Variants in CDH13 observed in about 807,000 individuals in gnomAD.
CDH13 encodes cadherin 13, also known as cadherin-13.
In CDH13, 24 loss-of-function variants were observed where a neutral mutation model predicts 63.8. That is an observed-to-expected ratio of 0.38 (90% CI 0.27 to 0.53). The LOEUF (loss-of-function observed/expected upper bound fraction) is 0.53. Among genes scored for constraint, CDH13 ranks in the 20% least tolerant of loss-of-function variants. The pLI, the probability that CDH13 is intolerant of heterozygous loss-of-function variation, is 0.85. For missense variants in CDH13, 1,049 were observed against 903.1 expected, an observed-to-expected ratio of 1.16 and a Z score of -2.07; for synonymous variants, 503 against 355.3, an observed-to-expected ratio of 1.42 and a Z score of -4.67.
chr16:83,305,062 A>C (rs191315044), intron 5 of CDH13, among the ~76,000 whole-genome samples: 103 of 152,282 alleles, frequency 6.8e-4, no homozygotes, highest in African/African-American at 2.3e-3. Flanking sequence ...GAATGCTCTC[A>C]ATGTAAGCCC....
intron 7 of CDH13, among the ~76,000 whole-genome samples, chr16:83,564,134 G>T (rs1475627126): frequency 6.6e-6 from 1 of 152,124 alleles, no homozygotes; most frequent in African/African-American, 2.4e-5. Flanking sequence ...CATCTGAGAG[G>T]CACTACTAGT....
At chr16:83,760,504 T>C (rs1686127446) in intron 11 of CDH13, among the ~76,000 whole-genome samples, 1 of 152,210 alleles carries the variant, frequency 6.6e-6, no homozygotes, top group Non-Finnish European at 1.5e-5. Flanking sequence ...TGTACAATAA[T>C]AATGAGTGAA....
chr16:83,750,400 T>A (rs1912981049), intron 11 of CDH13, among the ~76,000 whole-genome samples: 2 of 152,224 alleles, frequency 1.3e-5, no homozygotes, highest in African/African-American at 2.4e-5. Context: ...TGCCCAGTGG[T>A]TCTTCAGGCC....
chr16:83,680,781 C>G (rs1473617484), intron 10 of CDH13, among the ~76,000 whole-genome samples: 1 of 152,018 alleles, frequency 6.6e-6, no homozygotes, highest in Non-Finnish European at 1.5e-5. Flanking sequence ...CTCACAGTGA[C>G]TTATGCCAAA....
chr16:83,019,670 A>G (rs190582373), intron 2 of CDH13, among the ~76,000 whole-genome samples: 2 of 151,300 alleles, frequency 1.3e-5, no homozygotes, highest in East Asian at 2.0e-4. Context: ...TAATTTTTGC[A>G]TGTTTTGTAG....
At chr16:82,958,402 A>C (rs1330372657) in intron 2 of CDH13, among the ~76,000 whole-genome samples, 2 of 152,200 alleles carry the variant, frequency 1.3e-5, no homozygotes, top group African/African-American at 4.8e-5. Flanking sequence ...GTGAAGAAAA[A>C]TTTAGAAGGC....
chr16:83,686,447 T>C (rs1432705718), intron 10 of CDH13, among the ~76,000 whole-genome samples: 2 of 152,324 alleles, frequency 1.3e-5, no homozygotes, highest in Non-Finnish European at 2.9e-5. Context: ...ACATAGTCTA[T>C]TGACTCCAAA....
intron 7 of CDH13, among the ~76,000 whole-genome samples, chr16:83,515,996 C>T (rs1321375430): frequency 6.6e-6 from 1 of 151,982 alleles, no homozygotes; most frequent in Non-Finnish European, 1.5e-5. Flanking sequence ...GAATTATTTC[C>T]ATTTCTGCTC....
chr16:82,735,532 G>T (rs2033629210), intron 1 of CDH13, among the ~76,000 whole-genome samples: 1 of 152,196 alleles, frequency 6.6e-6, no homozygotes, highest in African/African-American at 2.4e-5. Context: ...TCAAGAAATT[G>T]TATTCCATAA....
intron 2 of CDH13, among the ~76,000 whole-genome samples, chr16:82,929,302 G>C (rs998748667): frequency 6.6e-6 from 1 of 151,972 alleles, no homozygotes; most frequent in Non-Finnish European, 1.5e-5. Flanking sequence ...TATGAGATTA[G>C]TGTCTTTATA....
At chr16:83,317,285 G>A (rs1420821146) in intron 5 of CDH13, among the ~76,000 whole-genome samples, 1 of 152,216 alleles carries the variant, frequency 6.6e-6, no homozygotes, top group East Asian at 1.9e-4. Context: ...CATCTTACCA[G>A]CAAGTTCTGT....
At chr16:82,669,165 A>G (rs1212884508) in intron 1 of CDH13, among the ~76,000 whole-genome samples, 2 of 152,188 alleles carry the variant, frequency 1.3e-5, no homozygotes, top group Non-Finnish European at 2.9e-5. Context: ...GAAACCCACT[A>G]CAGACCATCG....
chr16:83,475,177 C>T (rs2073569412), intron 6 of CDH13, among the ~76,000 whole-genome samples: 1 of 152,262 alleles, frequency 6.6e-6, no homozygotes, highest in African/African-American at 2.4e-5. Context: ...AGCACAGGGA[C>T]TGTCTGAGCA....
intron 1 of CDH13, among the ~76,000 whole-genome samples, chr16:82,857,349 T>A (rs1261545359): frequency 1.3e-5 from 2 of 152,234 alleles, no homozygotes; most frequent in Non-Finnish European, 2.9e-5. Context: ...AGCTTTCATT[T>A]GTTAAGTGTT....
At chr16:83,793,679 G>A (rs1387051205) in intron 13 of CDH13, among the ~76,000 whole-genome samples, 1 of 152,096 alleles carries the variant, frequency 6.6e-6, no homozygotes, top group African/African-American at 2.4e-5. Flanking sequence ...GAGACTTCGG[G>A]CAGGCACCTG....
intron 5 of CDH13, among the ~76,000 whole-genome samples, chr16:83,309,398 C>G (rs1461938390): frequency 6.6e-6 from 1 of 151,320 alleles, no homozygotes; most frequent in Non-Finnish European, 1.5e-5. Context: ...TTTTTTGAGA[C>G]AGAATCTTAC....
intron 8 of CDH13, among the ~76,000 whole-genome samples, chr16:83,613,701 C>G (rs148444440): frequency 6.6e-6 from 1 of 151,988 alleles, no homozygotes; most frequent in Non-Finnish European, 1.5e-5. Context: ...GGCGTGGTGG[C>G]GCCCACCTGT....
At chr16:82,922,636 G>A (rs917860891) in intron 2 of CDH13, among the ~76,000 whole-genome samples, 4 of 152,130 alleles carry the variant, frequency 2.6e-5, no homozygotes, top group Non-Finnish European at 5.9e-5. Flanking sequence ...CTGCTCTGGA[G>A]AGAAAAGCTC....
chr16:83,663,639 T>C (rs11149596), intron 8 of CDH13, among the ~76,000 whole-genome samples: 35,984 of 152,016 alleles, frequency 0.24, 5,020 homozygotes, highest in African/African-American at 0.37. Flanking sequence ...CTCCGACTCT[T>C]CAGGAGCTCA....
Sources: allele counts gnomAD v4.1 joint callset (sites outside exome capture counted in the v4.1 genomes callset), GRCh38; gene constraint gnomAD v4.1.1; transcripts MANE v1.5; gene names NCBI Gene and HGNC (gene_info 2026-07-23, HGNC 2026-07-21).